TENM2: variants seen among roughly 807,000 people sequenced by gnomAD.
The protein encoded by TENM2 is teneurin transmembrane protein 2, also known as teneurin-2.
A neutral mutation model predicts 245.2 loss-of-function variants in TENM2; 52 were observed. That is an observed-to-expected ratio of 0.21 (90% CI 0.17 to 0.27). The LOEUF (loss-of-function observed/expected upper bound fraction) is 0.27. Among genes scored for constraint, TENM2 ranks in the 10% least tolerant of loss-of-function variants. The pLI, the probability that TENM2 is intolerant of heterozygous loss-of-function variation, is 1.00. For missense variants in TENM2, 3,046 were observed against 3,666.8 expected (o/e 0.83, Z 4.37); for synonymous variants, 1,363 against 1,438.9 (o/e 0.95, Z 1.19).
At chr5:166,995,155 C>A in the TENM2 span, among the ~76,000 whole-genome samples, 4 of 151,988 alleles carry the variant, frequency 2.6e-5, no homozygotes, top group Non-Finnish European at 1.5e-5. Context: ...GTAGAAGAAA[C>A]ATGTATTTCT....
intron 5 of TENM2, among the ~76,000 whole-genome samples, chr5:168,014,832 A>G (rs1232295328): frequency 6.6e-6 from 1 of 152,120 alleles, no homozygotes; most frequent in African/African-American, 2.4e-5. Context: ...TTCTGTTCTG[A>G]CAGCCCCAGA....
At chr5:167,938,596 C>T (rs2151751941) in intron 3 of TENM2, 1 of 152,308 alleles carries the variant, frequency 6.6e-6, no homozygotes, top group Admixed American at 6.5e-5. Flanking sequence ...CCTCCAAAAG[C>T]CCTCTGACCC....
intron 2 of TENM2, among the ~76,000 whole-genome samples, chr5:167,662,413 G>T (rs991067934): frequency 6.6e-6 from 1 of 152,092 alleles, no homozygotes. Flanking sequence ...AAGTGGCGTG[G>T]TTTGCTTAAT....
At chr5:168,173,550 T>C (rs538832709) in intron 13 of TENM2, among the ~76,000 whole-genome samples, 29 of 152,104 alleles carry the variant, frequency 1.9e-4, no homozygotes, top group African/African-American at 7.0e-4. Context: ...AGACCTCTTG[T>C]CATTGATGGC....
chr5:167,314,734 T>A (rs901313851), intron 1 of TENM2, among the ~76,000 whole-genome samples: 2 of 152,070 alleles, frequency 1.3e-5, no homozygotes, highest in African/African-American at 4.8e-5. Flanking sequence ...AAAGCAATAA[T>A]AACATTTTAA....
At chr5:167,170,378 G>C in the TENM2 span, among the ~76,000 whole-genome samples, 96 of 152,284 alleles carry the variant, frequency 6.3e-4, 2 homozygotes, top group East Asian at 0.017. Flanking sequence ...TATGGTGTAT[G>C]TGTGTGTGAA....
At chr5:167,848,909 GC>G (rs376940144) in intron 2 of TENM2, among the ~76,000 whole-genome samples, 7 of 151,952 alleles carry the variant, frequency 4.6e-5, no homozygotes, top group African/African-American at 1.7e-4. Context: ...TTTTTTGTTT[GC>G]TTTTTGTTTT....
At chr5:167,193,728 G>T in the TENM2 span, among the ~76,000 whole-genome samples, 1 of 151,972 alleles carries the variant, frequency 6.6e-6, no homozygotes, top group African/African-American at 2.4e-5. Flanking sequence ...TTGTCGGTCA[G>T]CTTTTGATGA....
intron 2 of TENM2, among the ~76,000 whole-genome samples, chr5:167,822,245 G>A (rs1305970128): frequency 3.3e-5 from 5 of 152,120 alleles, no homozygotes; most frequent in African/African-American, 1.2e-4. Context: ...GATTATAGAG[G>A]GTTAGCTGAG....
chr5:167,637,887 G>A (rs959017006), intron 2 of TENM2, among the ~76,000 whole-genome samples: 1 of 151,806 alleles, frequency 6.6e-6, no homozygotes, highest in Non-Finnish European at 1.5e-5. Flanking sequence ...CTAGATGACG[G>A]TTTAATAGGT....
intron 2 of TENM2, among the ~76,000 whole-genome samples, chr5:167,706,434 T>A (rs1200965651): frequency 6.7e-6 from 1 of 150,260 alleles, no homozygotes; most frequent in Non-Finnish European, 1.5e-5. Flanking sequence ...TACATATATA[T>A]AAGAAAATGT....
chr5:167,452,918 C>A (rs1294221493), intron 2 of TENM2, among the ~76,000 whole-genome samples: 1 of 31,006 alleles, frequency 3.2e-5, no homozygotes, highest in Non-Finnish European at 6.8e-5. Context: ...TACCCTAGAA[C>A]TTAAAGTATG....
intron 2 of TENM2, among the ~76,000 whole-genome samples, chr5:167,532,702 A>G (rs1348817916): frequency 6.6e-6 from 1 of 151,716 alleles, no homozygotes; most frequent in African/African-American, 2.4e-5. Context: ...GTATATATAC[A>G]TATCTATATA....
chr5:167,602,824 A>G (rs1179250006), intron 2 of TENM2, among the ~76,000 whole-genome samples: 1 of 152,216 alleles, frequency 6.6e-6, no homozygotes, highest in African/African-American at 2.4e-5. Context: ...AAGGGGCAAA[A>G]GAAAATTTCA....
the TENM2 span, among the ~76,000 whole-genome samples, chr5:166,981,508 C>T: frequency 2.0e-5 from 3 of 152,118 alleles, no homozygotes; most frequent in South Asian, 6.2e-4. Context: ...AGGACCCAAA[C>T]CAAAAAGCAA....
rs1768065131 is a variant in TENM2, at chr5:168,260,273, T to G, written c.7433-10T>G. On this transcript the variant is annotated splice_polypyrimidine_tract_variant and intron_variant, in intron 27 of 28. Transcript: ENST00000518659. ...ATTTCAGAAACCTTTATTTTTGTTT[T>G]CCACCATAGATGTGAAAAGCTGGCT... 6.2e-7 allele frequency: 1 copy of G among 1,613,634 alleles called. No individual in the cohort carries two copies. Among genetic ancestry groups the G allele is most frequent in the Admixed American group, 1.7e-5 (1 of 59,952 alleles).
chr5:167,138,325 C>T, the TENM2 span, among the ~76,000 whole-genome samples: 1 of 152,144 alleles, frequency 6.6e-6, no homozygotes, highest in Non-Finnish European at 1.5e-5. Flanking sequence ...TTAAAATGGA[C>T]TCAGAGCAAA....
At chr5:167,982,227 A>C (rs562619066) in intron 4 of TENM2, among the ~76,000 whole-genome samples, 1 of 152,158 alleles carries the variant, frequency 6.6e-6, no homozygotes, top group African/African-American at 2.4e-5. Context: ...CCTCAATCCC[A>C]TGGTGCTTCT....
intron 2 of TENM2, among the ~76,000 whole-genome samples, chr5:167,710,799 C>T (rs550903180): frequency 6.6e-6 from 1 of 152,292 alleles, no homozygotes; most frequent in South Asian, 2.1e-4. Flanking sequence ...CTACAGATCA[C>T]TGTGGTATGA....
Sources: allele counts gnomAD v4.1 joint callset (sites outside exome capture counted in the v4.1 genomes callset), GRCh38; gene constraint gnomAD v4.1.1; transcripts MANE v1.5; gene names NCBI Gene and HGNC (gene_info 2026-07-23, HGNC 2026-07-21).